Variants in RASGEF1C observed in about 807,000 individuals in gnomAD.
RASGEF1C encodes the protein ras-GEF domain-containing family member 1C.
In RASGEF1C, 27 loss-of-function variants were observed where a neutral mutation model predicts 58.1. The observed-to-expected ratio is 0.46, with a 90% CI of 0.34 to 0.64. The LOEUF (loss-of-function observed/expected upper bound fraction) is 0.64, where lower values mean the gene tolerates loss of function less well. RASGEF1C is among the 30% of genes least tolerant of loss of function. RASGEF1C has a pLI of 0.01. For synonymous variants in RASGEF1C, 243 were observed against 246.3 expected, an observed-to-expected ratio of 0.99 and a Z score of 0.13; for missense variants, 502 against 605.1, an observed-to-expected ratio of 0.83 and a Z score of 1.79.
chr5:180,111,666 C>T (rs1359826099), intron 11 of RASGEF1C, 86 bp from the exon 12 acceptor site: 8 of 1,463,586 alleles, frequency 5.5e-6, no homozygotes, highest in Non-Finnish European at 7.6e-6. Flanking sequence ...TGGCAGAGAC[C>T]CTCTCAACAC....
intron 12 of RASGEF1C, among the ~76,000 whole-genome samples, chr5:180,111,189 C>G (rs1765953521): frequency 1.3e-5 from 2 of 152,096 alleles, no homozygotes; most frequent in South Asian, 4.1e-4. Context: ...ATTTAGAATT[C>G]TAAAGGTGTC....
intron 12 of RASGEF1C, among the ~76,000 whole-genome samples, chr5:180,107,677 T>C (rs1471033570): frequency 6.6e-6 from 1 of 152,202 alleles, no homozygotes; most frequent in Non-Finnish European, 1.5e-5. Context: ...GGCACAATCT[T>C]GGCTCACTGC....
At position 180,136,360 on chromosome 5, in the gene RASGEF1C, C is replaced by G. The variant is rs768858428; in HGVS notation, c.438+18G>C. 3 of 1,549,556 alleles carry G rather than the reference C, an allele frequency of 1.9e-6. No individual in the cohort carries two copies. Among genetic ancestry groups the G allele is most frequent in the Admixed American group, 3.9e-5 (2 of 51,258 alleles). ...CGGGAGGGACCCAGGGTGACGCGAC[C>G]CCCGCCCAGCTGCCCACCTCGTCAC... On this transcript the variant is annotated intron_variant, in intron 4 of 13. Coordinates refer to ENST00000361132, the MANE Select transcript of RASGEF1C (RefSeq NM_175062.4).
intron 1 of RASGEF1C, among the ~76,000 whole-genome samples, chr5:180,188,122 G>A (rs780760126): frequency 1.3e-5 from 2 of 152,138 alleles, no homozygotes; most frequent in South Asian, 2.1e-4. Flanking sequence ...CTGTGATACA[G>A]ACATACAATG....
chr5:180,122,602 G>A (rs1766193569), intron 6 of RASGEF1C, among the ~76,000 whole-genome samples: 1 of 151,994 alleles, frequency 6.6e-6, no homozygotes, highest in Admixed American at 6.6e-5. Flanking sequence ...TTAGCTGGAT[G>A]TGGTGGTGGG....
intron 1 of RASGEF1C, among the ~76,000 whole-genome samples, chr5:180,142,069 C>G (rs1047859223): frequency 6.6e-6 from 1 of 152,118 alleles, no homozygotes; most frequent in East Asian, 1.9e-4. Context: ...CTGAATGATG[C>G]ACGTGACAAA....
chr5:180,199,848 C>T (rs750313240), intron 1 of RASGEF1C, among the ~76,000 whole-genome samples: 3 of 152,130 alleles, frequency 2.0e-5, no homozygotes, highest in Non-Finnish European at 4.4e-5. Context: ...ATTTCTTGAA[C>T]GTGCATTCAA....
chr5:180,151,255 G>T (rs932468490), intron 1 of RASGEF1C, among the ~76,000 whole-genome samples: 1 of 152,110 alleles, frequency 6.6e-6, no homozygotes, highest in African/African-American at 2.4e-5. Context: ...CCCCCGCATT[G>T]CCAAGTCAAT....
At chr5:180,164,130 A>G (rs4700890) in intron 1 of RASGEF1C, among the ~76,000 whole-genome samples, 45,536 of 152,032 alleles carry the variant, frequency 0.3, 7,339 homozygotes, top group East Asian at 0.55. Context: ...CTTTGTCAGT[A>G]TCGCTAGAGA....
At chr5:180,174,561 T>C (rs1260081953) in intron 1 of RASGEF1C, among the ~76,000 whole-genome samples, 2 of 150,814 alleles carry the variant, frequency 1.3e-5, no homozygotes, top group Admixed American at 1.3e-4. Context: ...TGTGTCTGTG[T>C]GTGCACGTGT....
At chr5:180,124,772 G>A (rs373696144) in intron 6 of RASGEF1C, among the ~76,000 whole-genome samples, 3 of 151,786 alleles carry the variant, frequency 2.0e-5, no homozygotes, top group South Asian at 2.1e-4. Flanking sequence ...TGTAGTGAGC[G>A]AAGATCGTGC....
intron 1 of RASGEF1C, among the ~76,000 whole-genome samples, chr5:180,189,154 A>G (rs1756101084): frequency 6.6e-6 from 1 of 152,238 alleles, no homozygotes; most frequent in African/African-American, 2.4e-5. Flanking sequence ...TATCAGCAAC[A>G]AAATGTTGGA....
intron 10 of RASGEF1C, among the ~76,000 whole-genome samples, chr5:180,117,145 G>T (rs1766080460): frequency 6.6e-6 from 1 of 152,204 alleles, no homozygotes; most frequent in Non-Finnish European, 1.5e-5. Flanking sequence ...GGGATTTGAG[G>T]TCTCGCATCC....
intron 4 of RASGEF1C, among the ~76,000 whole-genome samples, chr5:180,129,374 G>A (rs1766322827): frequency 6.6e-6 from 1 of 152,160 alleles, no homozygotes; most frequent in Admixed American, 6.5e-5. Flanking sequence ...GCCACGTCCT[G>A]TCCCATTCCT....
intron 12 of RASGEF1C, among the ~76,000 whole-genome samples, chr5:180,110,991 C>A (rs1765951196): frequency 6.6e-6 from 1 of 151,962 alleles, no homozygotes; most frequent in Admixed American, 6.6e-5. Flanking sequence ...AATTTTTGTA[C>A]TTTTAGTAGA....
chr5:180,206,031 G>T (rs1169007973), intron 1 of RASGEF1C, among the ~76,000 whole-genome samples: 1 of 152,180 alleles, frequency 6.6e-6, no homozygotes, highest in Non-Finnish European at 1.5e-5. Flanking sequence ...CACTGTGCCA[G>T]GCCCTCCTTG....
At chr5:180,115,241 C>T (rs1561731950) in intron 10 of RASGEF1C, 1 of 429,688 alleles carries the variant, frequency 2.3e-6, no homozygotes, top group Admixed American at 2.9e-5. Flanking sequence ...GTATTGAACT[C>T]CTGACCTTGT....
chr5:180,163,872 C>G (rs1456187175), intron 1 of RASGEF1C, among the ~76,000 whole-genome samples: 2 of 152,092 alleles, frequency 1.3e-5, no homozygotes, highest in Non-Finnish European at 2.9e-5. Context: ...CTGGAGATTT[C>G]TTTTTCTAAG....
chr5:180,111,371 T>C, intron 12 of RASGEF1C, 86 bp downstream of exon 12: 11 of 1,581,076 alleles, frequency 7.0e-6, no homozygotes, highest in Non-Finnish European at 8.7e-6. Context: ...CCTAACCTAC[T>C]CAGAGCAGGG....
Sources: allele counts gnomAD v4.1 joint callset (sites outside exome capture counted in the v4.1 genomes callset), GRCh38; gene constraint gnomAD v4.1.1; transcripts MANE v1.5; gene names NCBI Gene and HGNC (gene_info 2026-07-23, HGNC 2026-07-21).